DNAJC10: variants seen among roughly 807,000 people sequenced by gnomAD.
The protein encoded by DNAJC10 is DnaJ heat shock protein family (Hsp40) member C10, also known as endoplasmic reticulum disulfide reductase DNAJC10.
Under a neutral mutation model 115.0 loss-of-function variants are expected in DNAJC10, and 101 were observed. The ratio of observed to expected loss-of-function variants is 0.88; its 90% CI spans 0.75 to 1.04. The LOEUF is 1.04. Ranked by LOEUF, DNAJC10 falls within the 50% of genes least tolerant of loss-of-function variation. The probability of loss-of-function intolerance (pLI) is 0.00; values close to 1 mark genes in which losing one functional copy is unlikely to be tolerated. For synonymous variants in DNAJC10, 307 were observed against 301.5 expected, an observed-to-expected ratio of 1.02 and a Z score of -0.19; for missense variants, 981 against 928.8, an observed-to-expected ratio of 1.06 and a Z score of -0.73.
At position 182,779,004 on chromosome 2, in the gene DNAJC10, G is replaced by A. The variant is rs1183157390; in HGVS notation, c.*1872G>A. On this transcript the variant is annotated 3_prime_UTR_variant, in exon 24 of 24. Transcript: ENST00000264065. ...GTCTGTAATTCACTGTTTTGTCATT[G>A]AGCTCATAAGGTACTTACATTACTA... 1 of 151,852 alleles carries A rather than the reference G, an allele frequency of 6.6e-6. No individual in the cohort carries two copies. The highest frequency in any genetic ancestry group is 1.9e-4 in the East Asian group (1 of 5,196). 9.4% of individuals were successfully genotyped at this position (151,852 alleles called of 1,614,324 possible). A position where few individuals can be genotyped will look rare whatever the true frequency, so the allele number is the denominator to read the frequency against.
At position 182,777,331 on chromosome 2, in the gene DNAJC10, T is replaced by C. The variant is rs1694732673; in HGVS notation, c.*199T>C. 5.5e-6 allele frequency: 2 copies of C among 365,454 alleles called. No individual in the cohort carries two copies. Among genetic ancestry groups the C allele is most frequent in the Non-Finnish European group, 1.0e-5 (2 of 195,770 alleles). The allele number at this position is 365,454 out of a possible 1,614,324, so 22.6% of individuals were successfully genotyped here. On this transcript the variant is annotated 3_prime_UTR_variant, in exon 24 of 24. Transcript: ENST00000264065. ...TCTGTAAAGGGCCGGTTTATAAATATTTTAGACTTTGCAGGCTATAATATA... is the reference window on the plus strand; with the variant it reads ...TCTGTAAAGGGCCGGTTTATAAATACTTTAGACTTTGCAGGCTATAATATA...
Position 182,728,902 on chromosome 2 carries a change from A to T in DNAJC10, c.541A>T (p.Ile181Phe), listed in dbSNP as rs1693361413. Residue 181 changes from isoleucine (I) to phenylalanine (F), a missense_variant, in exon 7 of 24, where the codon ATT becomes TTT. Ile to Phe is a conservative substitution (Grantham distance 21, BLOSUM62 0). Coordinates refer to ENST00000264065, the MANE Select transcript of DNAJC10 (RefSeq NM_018981.4). ...FAKEVDGLLR[I>F]GAVNCGDDRM... is the part of the protein sequence containing the mutation. ...TAAAGAAGTGGATGGGTTACTTCGA[A>T]TTGGAGCTGTTAACTGTGGTGATGA... 1 of 1,614,082 alleles carries T rather than the reference A, an allele frequency of 6.2e-7. No individual in the cohort carries two copies. The highest frequency in any genetic ancestry group is 2.2e-5 in the East Asian group (1 of 44,856).
rs999538446 is a variant in DNAJC10 at position 182,739,886 on chromosome 2, T to C, written c.988-413T>C. Reference sequence around the variant, plus strand: ...TCTATTATTCTTCCTTCTAGTGTTATAAAAATTCTTAAGTGAATGTGTAAA... The same window carrying C: ...TCTATTATTCTTCCTTCTAGTGTTACAAAAATTCTTAAGTGAATGTGTAAA... On this transcript the variant is annotated intron_variant, in intron 11 of 23. Transcript: ENST00000264065. 7.1e-6 allele frequency: 7 copies of C among 986,306 alleles called. No homozygotes were observed. The African/African-American group carries it at 1.1e-4, about 15-fold the overall frequency. 61.1% of individuals were successfully genotyped at this position (986,306 alleles called of 1,614,324 possible). A position where few individuals can be genotyped will look rare whatever the true frequency, so the allele number is the denominator to read the frequency against.
Position 182,720,174 on chromosome 2 carries a change from G to A in DNAJC10, c.367+5G>A. ...ACTATTATCGTTATGATTTTGGTAA[G>A]GTGATACGATATTACTTATGAAATG... On this transcript the variant is annotated splice_donor_5th_base_variant and intron_variant, in intron 4 of 23. Coordinates refer to ENST00000264065, the MANE Select transcript of DNAJC10 (RefSeq NM_018981.4). 6.2e-7 allele frequency: 1 copy of A among 1,601,104 alleles called. No homozygotes were observed. The highest frequency in any genetic ancestry group is 8.5e-7 in the Non-Finnish European group (1 of 1,174,692).
chr2:182,731,008 CT>C (rs756612610), intron 8 of DNAJC10, 21 bp from the exon 9 acceptor site: 6 of 1,585,292 alleles, frequency 3.8e-6, no homozygotes, highest in Middle Eastern at 1.7e-4. Context: ...TCAGAATTTG[CT>C]TTTTTTCTTT....
Position 182,789,047 on chromosome 2 carries a change from G to A in DNAJC10, c.*11915G>A. The A allele has an allele frequency of 3.8e-6, 1 of 263,222 alleles. No homozygotes were observed. 16.3% of individuals were successfully genotyped at this position (263,222 alleles called of 1,614,324 possible). On this transcript the variant is annotated 3_prime_UTR_variant, in exon 24 of 24. Transcript: ENST00000264065. ...AAAACTGAAATTTTATATCCATAAA[G>A]CAAAACCTTTTTATTTACCAATGCT...
chr2:182,730,089 T>C, intron 8 of DNAJC10, 148 bp downstream of exon 8: 1 of 563,582 alleles, frequency 1.8e-6, no homozygotes, highest in South Asian at 2.3e-5. Flanking sequence ...TGTCATTTAC[T>C]CTGAACTCTG....
chr2:182,728,596 G>A lies in DNAJC10; in HGVS notation c.439G>A (p.Glu147Lys), dbSNP rs1169978434. 1 of 1,611,236 alleles carries A rather than the reference G, an allele frequency of 6.2e-7. No homozygotes were observed. The highest frequency in any genetic ancestry group is 1.7e-5 in the Admixed American group (1 of 59,928). Residue 147 changes from glutamate (E) to lysine (K), a missense_variant, in exon 6 of 24, where the codon GAA becomes AAA. Physicochemically the swap from Glu to Lys is moderately conservative, Grantham distance 56. Coordinates refer to ENST00000264065, the MANE Select transcript of DNAJC10 (RefSeq NM_018981.4). ...REFDAAVNSGELWFVNFYSPG... is the reference protein window; with the variant it reads ...REFDAAVNSGKLWFVNFYSPG... ...TTTAGATGCTGCTGTTAATTCTGGA[G>A]AACTGTGGTTTGTAAATTTTTACTC...
chr2:182,720,870 A>G (rs967541043), intron 4 of DNAJC10, among the ~76,000 whole-genome samples: 1 of 152,178 alleles, frequency 6.6e-6, no homozygotes, highest in Admixed American at 6.5e-5. Context: ...TTCAATAGAA[A>G]TGCCGTCCTT....
At chr2:182,755,156 A>C in intron 17 of DNAJC10, 52 bp downstream of exon 17, 1 of 1,064,368 alleles carries the variant, frequency 9.4e-7, no homozygotes, top group South Asian at 1.3e-5. Flanking sequence ...TTCTATGTAA[A>C]CCCTGTATGA....
At chr2:182,749,297 CT>C (rs1224379993) in intron 14 of DNAJC10, among the ~76,000 whole-genome samples, 2 of 137,052 alleles carry the variant, frequency 1.5e-5, no homozygotes, top group Admixed American at 7.4e-5. Flanking sequence ...GTCTAAGTCT[CT>C]TTGTAGGTCA....
At chr2:182,765,513 T>A (rs1374638136) in intron 22 of DNAJC10, among the ~76,000 whole-genome samples, 2 of 152,142 alleles carry the variant, frequency 1.3e-5, no homozygotes, top group Non-Finnish European at 2.9e-5. Context: ...CTCAGAAGTT[T>A]CCCCAGTTAC....
Position 182,768,919 on chromosome 2 carries a change from G to A in DNAJC10, c.2265+6118G>A, listed in dbSNP as rs566335211. Among the ~76,000 whole-genome samples the A allele has an allele frequency of 2.0e-5, 3 of 152,200 alleles. No homozygotes were observed. The South Asian group carries it at 6.2e-4, about 32-fold the overall frequency. On this transcript the variant is annotated intron_variant, in intron 22 of 23. Transcript: ENST00000264065. Reference sequence around the variant, plus strand: ...TATACATGTGTCGTGTTGGTTTGCTGCACCCATCAACTCATCATTTACATT... The same window carrying A: ...TATACATGTGTCGTGTTGGTTTGCTACACCCATCAACTCATCATTTACATT...
intron 4 of DNAJC10, among the ~76,000 whole-genome samples, chr2:182,720,647 C>T (rs888442501): frequency 2.6e-5 from 4 of 152,036 alleles, no homozygotes; most frequent in Admixed American, 6.5e-5. Context: ...TAAGTACACT[C>T]TGTGATGTTT....
Position 182,780,330 on chromosome 2 carries a change from G to T in DNAJC10, c.*3198G>T, listed in dbSNP as rs1227962667. On this transcript the variant is annotated 3_prime_UTR_variant, in exon 24 of 24. Transcript: ENST00000264065. Reference sequence around the variant, plus strand: ...ATGAGTTCCTGCTGTGTTTATTCCTGCAAGAGCTGGTTGTTAAAAGGAACT... The same window carrying T: ...ATGAGTTCCTGCTGTGTTTATTCCTTCAAGAGCTGGTTGTTAAAAGGAACT... The T allele has an allele frequency of 6.6e-6, 1 of 152,002 alleles. No individual in the cohort carries two copies. Among genetic ancestry groups the T allele is most frequent in the Non-Finnish European group, 1.5e-5 (1 of 68,050 alleles). The allele number at this position is 152,002 out of a possible 1,614,324, so 9.4% of individuals were successfully genotyped here.
intron 6 of DNAJC10, 21 bp from the exon 7 acceptor site, chr2:182,728,842 T>C: frequency 6.2e-7 from 1 of 1,613,578 alleles, no homozygotes; most frequent in South Asian, 1.1e-5. Flanking sequence ...CAGAGAAATA[T>C]GTTTTCTTTT....
At chr2:182,763,377 A>G (rs1356299712) in intron 22 of DNAJC10, among the ~76,000 whole-genome samples, 2 of 152,158 alleles carry the variant, frequency 1.3e-5, no homozygotes, top group African/African-American at 2.4e-5. Context: ...CTTGCAGTGA[A>G]TGCCAAGAAT....
In DNAJC10 at chr2:182,781,742, G is replaced by C. The variant is rs529669406; in HGVS notation, c.*4610G>C. The C allele has an allele frequency of 6.6e-6, 1 of 151,888 alleles. No homozygotes were observed. The highest frequency in any genetic ancestry group is 1.9e-4 in the East Asian group (1 of 5,170). 9.4% of individuals were successfully genotyped at this position (151,888 alleles called of 1,614,324 possible). On this transcript the variant is annotated 3_prime_UTR_variant, in exon 24 of 24. Transcript: ENST00000264065. ...ATGATGAGCTTTTTTTCATATCTTT[G>C]TTGGCCACCTAAATGTCTTCTTTTG... is the stretch of plus-strand genomic sequence containing the variant.
chr2:182,758,961 G>A, intron 20 of DNAJC10, 71 bp downstream of exon 20: 1 of 1,260,550 alleles, frequency 7.9e-7, no homozygotes, highest in Admixed American at 1.8e-5. Context: ...TATATCAATA[G>A]TTAAATTTAC....
Sources: gnomAD v4.1 joint callset for allele counts (sites outside exome capture counted in the v4.1 genomes callset) on GRCh38, gnomAD v4.1.1 for gene constraint, MANE v1.5 for transcripts, NCBI Gene and HGNC (gene_info 2026-07-23, HGNC 2026-07-21) for gene names.